The following SLC22A23 variants were observed in gnomAD, a reference collection of about 807,000 sequenced individuals.
The protein encoded by SLC22A23 is solute carrier family 22 member 23, also known as ion transporter protein.
A neutral mutation model predicts 61.0 loss-of-function variants in SLC22A23; 26 were observed. That is an observed-to-expected ratio of 0.43 (90% CI 0.31 to 0.59). The LOEUF (loss-of-function observed/expected upper bound fraction) is 0.59. Among genes scored for constraint, SLC22A23 ranks in the 20% least tolerant of loss-of-function variants. The pLI is 0.11. For synonymous variants in SLC22A23, 430 were observed against 413.9 expected, an observed-to-expected ratio of 1.04 and a Z score of -0.47; for missense variants, 796 against 934.7, an observed-to-expected ratio of 0.85 and a Z score of 1.94.
intron 4 of SLC22A23, among the ~76,000 whole-genome samples, chr6:3,310,270 TGGAG>T (rs1561888108): frequency 6.9e-6 from 1 of 144,994 alleles, no homozygotes; most frequent in African/African-American, 2.7e-5. Context: ...TGTCTCCCAC[TGGAG>T]CACCCTGTCT....
At chr6:3,402,799 G>C (rs6912754) in intron 3 of SLC22A23, among the ~76,000 whole-genome samples, 1,902 of 152,310 alleles carry the variant, frequency 0.012, 54 homozygotes, top group South Asian at 0.11. Context: ...GCACGTACTT[G>C]CCTCTATGTC....
chr6:3,394,345 G>A (rs1767867099), intron 3 of SLC22A23, among the ~76,000 whole-genome samples: 1 of 152,134 alleles, frequency 6.6e-6, no homozygotes, highest in Non-Finnish European at 1.5e-5. Flanking sequence ...TGTGGTTGGT[G>A]GGCTCTAGAC....
intron 1 of SLC22A23, among the ~76,000 whole-genome samples, chr6:3,419,620 G>A (rs1392068485): frequency 6.6e-6 from 1 of 152,166 alleles, no homozygotes; most frequent in Non-Finnish European, 1.5e-5. Context: ...GGCTAAGGAG[G>A]TGTGATCTTG....
intron 3 of SLC22A23, among the ~76,000 whole-genome samples, chr6:3,379,618 A>G (rs1766824508): frequency 6.6e-6 from 1 of 152,156 alleles, no homozygotes; most frequent in Non-Finnish European, 1.5e-5. Flanking sequence ...CATTTTGGGG[A>G]CTGAAATGCT....
chr6:3,275,017 A>G (rs1345280882), intron 9 of SLC22A23, among the ~76,000 whole-genome samples: 2 of 152,240 alleles, frequency 1.3e-5, no homozygotes, highest in African/African-American at 2.4e-5. Context: ...CAAAAGACTC[A>G]GAGTAGTCAA....
chr6:3,274,708 C>T (rs940803082), intron 9 of SLC22A23, among the ~76,000 whole-genome samples: 2 of 152,118 alleles, frequency 1.3e-5, no homozygotes, highest in Non-Finnish European at 2.9e-5. Flanking sequence ...TGTCTACGTG[C>T]TAGCAACACC....
intron 1 of SLC22A23, among the ~76,000 whole-genome samples, chr6:3,428,672 G>A (rs932299174): frequency 1.6e-4 from 25 of 152,218 alleles, no homozygotes; most frequent in Admixed American, 2.6e-4. Context: ...AAAAGACAAC[G>A]TAAAAATATA....
Position 3,316,990 on chromosome 6 carries a change from CCAA to C in SLC22A23, c.1082+6841_1082+6843del, listed in dbSNP as rs901209919. Among the ~76,000 whole-genome samples, 6 of 152,224 alleles carry C rather than the reference CCAA, an allele frequency of 3.9e-5. No individual in the cohort carries two copies. In the South Asian group the frequency reaches 8.3e-4, roughly 21 times the overall value. On this transcript the variant is annotated intron_variant, in intron 4 of 9. Coordinates refer to ENST00000406686, the MANE Select transcript of SLC22A23 (RefSeq NM_015482.2). ...TGATGAGGAATGGTGATGGCATGCACCAACGTTTTGGGAGAGTGGCGCTCACAT... is the reference window on the plus strand; with the variant it reads ...TGATGAGGAATGGTGATGGCATGCACCGTTTTGGGAGAGTGGCGCTCACAT...
At chr6:3,425,285 CTT>C (rs33955202) in intron 1 of SLC22A23, among the ~76,000 whole-genome samples, 3 of 115,836 alleles carry the variant, frequency 2.6e-5, no homozygotes, top group African/African-American at 3.4e-5. Context: ...ATGAATAATT[CTT>C]TTTTTTTTTT....
chr6:3,391,474 A>G (rs958438413), intron 3 of SLC22A23, among the ~76,000 whole-genome samples: 9 of 152,274 alleles, frequency 5.9e-5, no homozygotes, highest in African/African-American at 1.7e-4. Context: ...TCACATATGT[A>G]TATCTATTCT....
At chr6:3,355,695 T>C (rs1422346549) in intron 3 of SLC22A23, among the ~76,000 whole-genome samples, 1 of 151,976 alleles carries the variant, frequency 6.6e-6, no homozygotes, top group African/African-American at 2.4e-5. Flanking sequence ...TTTCTGTGCC[T>C]TCCCAAATTT....
chr6:3,409,209 T>C (rs1581837507), intron 3 of SLC22A23, among the ~76,000 whole-genome samples: 1 of 152,334 alleles, frequency 6.6e-6, no homozygotes, highest in East Asian at 1.9e-4. Context: ...ACAATTCAGT[T>C]AAACATTGAT....
intron 3 of SLC22A23, among the ~76,000 whole-genome samples, chr6:3,354,934 C>T (rs957607568): frequency 1.3e-5 from 2 of 152,084 alleles, no homozygotes; most frequent in Non-Finnish European, 2.9e-5. Flanking sequence ...GACCTGAGGG[C>T]CAGAGGGTGA....
chr6:3,325,517 G>T (rs1293245282), intron 3 of SLC22A23, among the ~76,000 whole-genome samples: 1 of 152,126 alleles, frequency 6.6e-6, no homozygotes, highest in African/African-American at 2.4e-5. Context: ...CTTATAAAGA[G>T]GTTTCTACCA....
intron 4 of SLC22A23, among the ~76,000 whole-genome samples, chr6:3,307,750 T>C (rs1382031238): frequency 6.6e-6 from 1 of 152,230 alleles, no homozygotes; most frequent in Admixed American, 6.5e-5. Flanking sequence ...CAGTGGAGGA[T>C]TCCAGGGTCG....
chr6:3,452,094 T>A (rs1158467674), intron 1 of SLC22A23, among the ~76,000 whole-genome samples: 2 of 152,224 alleles, frequency 1.3e-5, no homozygotes, highest in Non-Finnish European at 1.5e-5. Context: ...TCTCAGCACA[T>A]CTGAGGTAGG....
In SLC22A23 at chr6:3,329,597, G is replaced by A. The variant is rs562826663; in HGVS notation, c.914-5595C>T. Among the ~76,000 whole-genome samples the A allele has an allele frequency of 7.9e-5, 12 of 152,192 alleles. No individual in the cohort carries two copies. The highest frequency in any genetic ancestry group is 1.3e-4 in the Non-Finnish European group (9 of 68,032). On this transcript the variant is annotated intron_variant, in intron 3 of 9. Transcript: ENST00000406686. This position sits in a 1 kb window ranked among gnomAD's most constrained non-coding sequence, Gnocchi z 4.8. Reference sequence around the variant, plus strand: ...AGAGGTGGGGGTTAGATTCCTCCCCGGCCTCTGCTGGGCGGTGTGAAGTTA... The same window carrying A: ...AGAGGTGGGGGTTAGATTCCTCCCCAGCCTCTGCTGGGCGGTGTGAAGTTA...
At chr6:3,334,992 T>C (rs1233235768) in intron 3 of SLC22A23, among the ~76,000 whole-genome samples, 1 of 152,212 alleles carries the variant, frequency 6.6e-6, no homozygotes, top group Non-Finnish European at 1.5e-5. Flanking sequence ...AGGATTACTT[T>C]TGGGTTTTTG....
rs1763443507 is a variant in SLC22A23 at position 3,329,158 on chromosome 6, C to T, written c.914-5156G>A. ...GTGGCCAAAGTTTTAACATTCTCCCCCCACCTCCCTCATCCCCCACAAACA... is the reference window on the plus strand; with the variant it reads ...GTGGCCAAAGTTTTAACATTCTCCCTCCACCTCCCTCATCCCCCACAAACA... On this transcript the variant is annotated intron_variant, in intron 3 of 9. Coordinates refer to ENST00000406686, the MANE Select transcript of SLC22A23 (RefSeq NM_015482.2). This position sits in a 1 kb window ranked among gnomAD's most constrained non-coding sequence, Gnocchi z 4.8. Among the ~76,000 whole-genome samples, 1 of 152,062 alleles carries T rather than the reference C, an allele frequency of 6.6e-6. No individual in the cohort carries two copies. Among genetic ancestry groups the T allele is most frequent in the South Asian group, 2.1e-4 (1 of 4,812 alleles).
Sources: allele counts gnomAD v4.1 joint callset (sites outside exome capture counted in the v4.1 genomes callset), GRCh38; gene constraint gnomAD v4.1.1; non-coding constraint Gnocchi (gnomAD v3.1); transcripts MANE v1.5; gene names NCBI Gene and HGNC (gene_info 2026-07-23, HGNC 2026-07-21).